The following TPRG1 variants were observed in gnomAD, a reference collection of about 807,000 sequenced individuals.
The protein encoded by TPRG1 is tumor protein p63 regulated 1.
A neutral mutation model predicts 29.3 loss-of-function variants in TPRG1; 29 were observed. The observed-to-expected ratio is 0.99, with a 90% CI of 0.74 to 1.35. The LOEUF is 1.35. TPRG1 is among the 40% of genes most tolerant of loss of function. The probability of loss-of-function intolerance (pLI) is 0.00; values close to 1 mark genes in which losing one functional copy is unlikely to be tolerated. For synonymous variants in TPRG1, 130 were observed against 116.8 expected (o/e 1.11, Z -0.73); for missense variants, 327 against 335.0 (o/e 0.98, Z 0.19).
At chr3:189,089,575 G>T (rs1020860263) in intron 4 of TPRG1, among the ~76,000 whole-genome samples, 60 of 152,260 alleles carry the variant, frequency 3.9e-4, no homozygotes, top group African/African-American at 1.4e-3. Context: ...CACATCTGGT[G>T]AGGCCCTCCT....
chr3:189,197,643 CT>C (rs1331978676), intron 1 of TPRG1, among the ~76,000 whole-genome samples: 1 of 152,132 alleles, frequency 6.6e-6, no homozygotes, highest in Non-Finnish European at 1.5e-5. Context: ...TTCACAAATC[CT>C]TATATAGGTT....
At chr3:189,023,131 A>G (rs1006270450) in intron 3 of TPRG1, among the ~76,000 whole-genome samples, 2 of 152,036 alleles carry the variant, frequency 1.3e-5, no homozygotes, top group Admixed American at 1.3e-4. Flanking sequence ...ACTGTCTGGC[A>G]CTCCCTAGTG....
intron 2 of TPRG1, among the ~76,000 whole-genome samples, chr3:189,210,986 T>C (rs1409217028): frequency 6.6e-6 from 1 of 152,186 alleles, no homozygotes; most frequent in Admixed American, 6.6e-5. Context: ...GGTTTATTGA[T>C]GAAAAATTAG....
At chr3:189,221,261 A>T (rs1231611647) in intron 3 of TPRG1, among the ~76,000 whole-genome samples, 1 of 152,236 alleles carries the variant, frequency 6.6e-6, no homozygotes, top group African/African-American at 2.4e-5. Context: ...TAACAGTCTG[A>T]GGTAGGAAAC....
At chr3:189,239,410 AT>A (rs1240629747) in intron 4 of TPRG1, among the ~76,000 whole-genome samples, 1 of 152,162 alleles carries the variant, frequency 6.6e-6, no homozygotes, top group African/African-American at 2.4e-5. Flanking sequence ...GGGAGATACA[AT>A]TCAGGTTGAT....
chr3:189,234,968 AAC>A (rs1739228418), intron 3 of TPRG1, among the ~76,000 whole-genome samples: 1 of 152,152 alleles, frequency 6.6e-6, no homozygotes, highest in Non-Finnish European at 1.5e-5. Context: ...ATTCATGAAC[AAC>A]ATTGCCAGCA....
chr3:189,263,125 A>G (rs913222327), intron 4 of TPRG1, among the ~76,000 whole-genome samples: 25 of 152,374 alleles, frequency 1.6e-4, no homozygotes, highest in African/African-American at 6.0e-4. Context: ...AGGCTCTTCC[A>G]GAAGGGCAGG....
At chr3:189,116,239 G>A (rs537651604) in intron 1 of TPRG1, among the ~76,000 whole-genome samples, 2 of 152,084 alleles carry the variant, frequency 1.3e-5, no homozygotes, top group Non-Finnish European at 2.9e-5. Context: ...GTGCAGTGGC[G>A]TGATCTCGGC....
chr3:189,209,923 C>G (rs763384420), intron 2 of TPRG1, among the ~76,000 whole-genome samples: 29 of 152,050 alleles, frequency 1.9e-4, no homozygotes, highest in Non-Finnish European at 3.4e-4. Context: ...GACCAACAAA[C>G]ATAGTATGAA....
intron 4 of TPRG1, among the ~76,000 whole-genome samples, chr3:189,289,301 G>A (rs142628786): frequency 2.5e-4 from 38 of 151,848 alleles, no homozygotes; most frequent in East Asian, 2.3e-3. Flanking sequence ...TTCTCCCCCC[G>A]ACCCCAAATC....
chr3:189,037,104 G>A (rs1714320411), intron 4 of TPRG1, among the ~76,000 whole-genome samples: 1 of 148,428 alleles, frequency 6.7e-6, no homozygotes, highest in Admixed American at 6.7e-5. Context: ...CTAGATAATA[G>A]AATAATAGAA....
rs75253789 is a variant in TPRG1 at position 189,104,858 on chromosome 3, C to T, written c.-744+4654C>T. Reference sequence around the variant, plus strand: ...TACCTTCATCTGCATAACTCCTCAACCTTCAGGGTCTCCTCTGGCTCCATA... The same window carrying T: ...TACCTTCATCTGCATAACTCCTCAATCTTCAGGGTCTCCTCTGGCTCCATA... On this transcript the variant is annotated intron_variant, in intron 1 of 6. Transcript: ENST00000412373. Among the ~76,000 whole-genome samples, 1,044 of 152,188 alleles carry T rather than the reference C, an allele frequency of 6.9e-3. 13 individuals are homozygous for T. The highest frequency in any genetic ancestry group is 0.023 in the African/African-American group (968 of 41,532).
intron 4 of TPRG1, among the ~76,000 whole-genome samples, chr3:189,306,532 C>G (rs1721650872): frequency 6.6e-6 from 1 of 152,176 alleles, no homozygotes; most frequent in South Asian, 2.1e-4. Context: ...TCCAGTGATT[C>G]TGGTGTTTTT....
intron 1 of TPRG1, among the ~76,000 whole-genome samples, chr3:189,108,595 G>A (rs531481665): frequency 6.6e-6 from 1 of 150,716 alleles, no homozygotes; most frequent in South Asian, 2.1e-4. Context: ...GCTTTTCTTA[G>A]TAAGATTTTT....
intron 4 of TPRG1, among the ~76,000 whole-genome samples, chr3:189,064,352 A>G (rs945322750): frequency 3.3e-5 from 5 of 152,170 alleles, no homozygotes; most frequent in African/African-American, 1.2e-4. Context: ...TTAAGGCCTC[A>G]CCACAGAATA....
intron 3 of TPRG1, among the ~76,000 whole-genome samples, chr3:189,238,058 G>A (rs1299016762): frequency 6.6e-6 from 1 of 152,188 alleles, no homozygotes; most frequent in African/African-American, 2.4e-5. Context: ...AATGTTACAT[G>A]TGTGTCCTGG....
At chr3:189,189,159 A>G (rs904580221) in intron 1 of TPRG1, among the ~76,000 whole-genome samples, 2 of 152,142 alleles carry the variant, frequency 1.3e-5, no homozygotes, top group Non-Finnish European at 2.9e-5. Flanking sequence ...ACAACCTATA[A>G]TCCCATTACC....
At position 189,207,391 on chromosome 3, in the gene TPRG1, A is replaced by G. The variant is rs771880748; in HGVS notation, c.7A>G (p.Thr3Ala). The G allele has an allele frequency of 2.5e-6, 4 of 1,614,032 alleles. No individual in the cohort carries two copies. Among genetic ancestry groups the G allele is most frequent in the Non-Finnish European group, 3.4e-6 (4 of 1,179,932 alleles). MS[T>A]IGSFEGFQAV... ...CTTGGTTTAGGCTGAAGAAATGTCA[A>G]CAATTGGGAGTTTTGAAGGATTCCA... The change falls in exon 2 of 6, where the codon ACA becomes GCA. Residue 3 changes from threonine (T) to alanine (A), a missense_variant. By Grantham distance (58) the Thr-to-Ala change is moderately conservative. Coordinates refer to ENST00000345063, the MANE Select transcript of TPRG1 (RefSeq NM_198485.4).
intron 1 of TPRG1, among the ~76,000 whole-genome samples, chr3:189,183,635 C>T (rs991886655): frequency 1.3e-5 from 2 of 151,940 alleles, no homozygotes; most frequent in African/African-American, 4.8e-5. Context: ...AGGGATGTTC[C>T]TTGCTGAGAA....
Sources: allele counts gnomAD v4.1 joint callset (sites outside exome capture counted in the v4.1 genomes callset), GRCh38; gene constraint gnomAD v4.1.1; transcripts MANE v1.5; gene names NCBI Gene and HGNC (gene_info 2026-07-23, HGNC 2026-07-21).